Variants in TRIM39 observed in about 807,000 individuals in gnomAD.
TRIM39 encodes tripartite motif containing 39, also known as E3 ubiquitin-protein ligase TRIM39.
TRIM39 carries 5 observed loss-of-function variants against 53.6 expected under a neutral mutation model. The observed-to-expected ratio is 0.09, with a 90% CI of 0.05 to 0.20. TRIM39 has a LOEUF of 0.20. TRIM39 is among the 10% of genes least tolerant of loss of function. TRIM39 has a pLI of 1.00. For synonymous variants in TRIM39, 196 were observed against 237.6 expected (o/e 0.82, Z 1.61); for missense variants, 310 against 621.0 (o/e 0.50, Z 5.32).
At chr6:30,329,623 G>A (rs1337460977) in exon 3 of TRIM39, 3 of 1,613,096 alleles carry the variant, frequency 1.9e-6, no homozygotes, top group South Asian at 2.2e-5. Context: ...GGAAGATCCG[G>A]GATGAGAGCC....
chr6:30,341,041 C>G (rs1421031181), intron 7 of TRIM39, among the ~76,000 whole-genome samples: 1 of 152,088 alleles, frequency 6.6e-6, no homozygotes, highest in Non-Finnish European at 1.5e-5. Context: ...AACCCCATCT[C>G]TACTAAAAAT....
At chr6:30,341,524 G>T (rs1484181047) in intron 7 of TRIM39, 188 bp from the exon 8 acceptor site, 9 of 876,540 alleles carry the variant, frequency 1.0e-5, no homozygotes, top group Admixed American at 6.2e-5. Context: ...TAGGGTCAGG[G>T]TGAGAAGTGA....
Position 30,339,770 on chromosome 6 carries a change from C to T in TRIM39, c.781-138C>T. On this transcript the variant is annotated intron_variant, in intron 5 of 7. Transcript: ENST00000396551. The surrounding 1 kb of genome is among the most constrained non-coding windows in gnomAD (Gnocchi z 4.2). ...AGTGCATTCAGGTCCCGCTGGAGCT[C>T]TTCTTGCACTGTGTGACCCTCAGTT... The T allele has an allele frequency of 8.3e-7, 1 of 1,210,710 alleles. No individual in the cohort carries two copies. Among genetic ancestry groups the T allele is most frequent in the Middle Eastern group, 1.9e-4 (1 of 5,300 alleles). The allele number at this position is 1,210,710 out of a possible 1,614,324, so 75.0% of individuals were successfully genotyped here. A position where few individuals can be genotyped will look rare whatever the true frequency, so the allele number is the denominator to read the frequency against.
At chr6:30,343,720 A>G (rs1130057) in exon 8 of TRIM39, 1 of 152,690 alleles carries the variant, frequency 6.5e-6, no homozygotes, top group African/African-American at 2.4e-5. Flanking sequence ...CAAAGGATCC[A>G]CTGAAGTGAT....
intron 7 of TRIM39, among the ~76,000 whole-genome samples, chr6:30,341,053 T>C (rs1045079667): frequency 3.3e-5 from 5 of 151,760 alleles, no homozygotes; most frequent in Non-Finnish European, 5.9e-5. Flanking sequence ...ACTAAAAATA[T>C]AAAAATTAGC....
At position 30,330,844 on chromosome 6, in the gene TRIM39, T is replaced by G. The variant is rs202142956; in HGVS notation, c.517T>G (p.Ser173Ala). Residue 173 changes from serine (S) to alanine (A), a missense_variant, in exon 4 of 8, where the codon TCC (serine) becomes GCC (alanine). Around this residue, in one of 5 missense-constraint regions of TRIM39, gnomAD observed 161 missense variants for 210.0 expected, o/e 0.77. Transcript: ENST00000396551. ...GCTGCAGGAGATCACTCGCTGCAAG[T>G]CCTCTGAGGAGAAGAAGCCTGGTGA... 6.8e-6 allele frequency: 11 copies of G among 1,614,096 alleles called. No homozygotes were observed. The African/African-American group carries it at 1.5e-4, about 22-fold the overall frequency.
rs183801353 is a variant in TRIM39, at chr6:30,332,764, C to G, written c.549+1888C>G. On this transcript the variant is annotated intron_variant, in intron 4 of 7. Transcript: ENST00000396551. ...AAACCTTCTAAATGCTTGAACAGAACTGTCCTGTTTTTTAAACTGTAAATT... is the reference window on the plus strand; with the variant it reads ...AAACCTTCTAAATGCTTGAACAGAAGTGTCCTGTTTTTTAAACTGTAAATT... Among the ~76,000 whole-genome samples the G allele has an allele frequency of 9.4e-4, 143 of 152,264 alleles. 2 individuals carry two copies. The highest frequency in any genetic ancestry group is 9.3e-3 in the Admixed American group (142 of 15,286).
chr6:30,331,900 A>C (rs1786227322), intron 4 of TRIM39, among the ~76,000 whole-genome samples: 1 of 152,166 alleles, frequency 6.6e-6, no homozygotes, highest in South Asian at 2.1e-4. Context: ...AATAACTAGA[A>C]TTGAGTCCTA....
chr6:30,331,363 T>C (rs990268436), intron 4 of TRIM39, among the ~76,000 whole-genome samples: 1 of 152,186 alleles, frequency 6.6e-6, no homozygotes, highest in Non-Finnish European at 1.5e-5. Context: ...TTAAACATTG[T>C]ACTTAAATTA....
At chr6:30,341,722 C>T (rs1171995154) in exon 8 of TRIM39, 1 of 1,611,826 alleles carries the variant, frequency 6.2e-7, no homozygotes, top group East Asian at 2.2e-5. Context: ...CGGATGTGAC[C>T]CTGGACCCTG....
At chr6:30,343,111 A>C (rs1787735488) in exon 8 of TRIM39, 1 of 152,676 alleles carries the variant, frequency 6.5e-6, no homozygotes, top group Non-Finnish European at 1.5e-5. Context: ...GGAACTTGGA[A>C]AGGAGAGTCA....
rs1432862041 is a variant in TRIM39 at position 30,335,154 on chromosome 6, T to C, written c.550-591T>C. Among the ~76,000 whole-genome samples, 4 of 152,182 alleles carry C rather than the reference T, an allele frequency of 2.6e-5. No homozygotes were observed. The highest frequency in any genetic ancestry group is 6.5e-5 in the Admixed American group (1 of 15,270). On this transcript the variant is annotated intron_variant, in intron 4 of 7. Coordinates refer to ENST00000396551, the Ensembl canonical transcript of TRIM39. The surrounding 1 kb of genome is among the most constrained non-coding windows in gnomAD (Gnocchi z 4.7). ...TCTTTATCTTAAATTAAAACAAATA[T>C]ATATATCCGCAGTGGTCTTCACTAC...
At chr6:30,331,285 CA>C (rs369070285) in intron 4 of TRIM39, among the ~76,000 whole-genome samples, 42,425 of 90,868 alleles carry the variant, frequency 0.47, 6,442 homozygotes, top group East Asian at 0.63. Flanking sequence ...ACAAAAAAAA[CA>C]AACAAAAAAA....
intron 1 of TRIM39, among the ~76,000 whole-genome samples, chr6:30,328,048 G>A (rs927293188): frequency 2.6e-5 from 4 of 152,220 alleles, no homozygotes; most frequent in Admixed American, 1.3e-4. Flanking sequence ...ATGGCTAAAA[G>A]TATGGATGTT....
intron 3 of TRIM39, 45 bp from the exon 4 acceptor site, chr6:30,330,736 G>A (rs2127389120): frequency 5.6e-6 from 9 of 1,598,080 alleles, no homozygotes; most frequent in Middle Eastern, 1.7e-4. Context: ...AGGTATACCA[G>A]TCAACCCCAA....
chr6:30,336,735 A>G (rs1022130782), intron 5 of TRIM39, among the ~76,000 whole-genome samples: 7 of 152,208 alleles, frequency 4.6e-5, no homozygotes, highest in Admixed American at 4.6e-4. Flanking sequence ...AGTCATCCAT[A>G]AGGGTTGGAA....
rs1787647317 is a variant in TRIM39 at position 30,342,384 on chromosome 6, C to A, written c.*125C>A. The stretch of plus-strand genomic sequence containing the variant: ...GTCCTGAATCATCTTGGAGAAACAC[C>A]TTGGTTTCTAGGATGGTTTTGTGTG... On this transcript the variant is annotated 3_prime_UTR_variant, in exon 8 of 8. Coordinates refer to ENST00000396551, the Ensembl canonical transcript of TRIM39. This position sits in a 1 kb window ranked among gnomAD's most constrained non-coding sequence, Gnocchi z 4.7. The A allele has an allele frequency of 1.9e-6, 2 of 1,043,330 alleles. No individual in the cohort carries two copies. The highest frequency in any genetic ancestry group is 3.1e-4 in the Middle Eastern group (1 of 3,208). 64.6% of individuals were successfully genotyped at this position (1,043,330 alleles called of 1,614,324 possible). A position where few individuals can be genotyped will look rare whatever the true frequency, so the allele number is the denominator to read the frequency against.
In TRIM39 at chr6:30,333,524, A is replaced by AT. The variant is rs941591285; in HGVS notation, c.550-2211dup. ...AGGCGCCCACCACCACACCCAGCTG[A>AT]TTTTTTTTTTCTATTTTTAGTAGAG... On this transcript the variant is annotated intron_variant, in intron 4 of 7. Coordinates refer to ENST00000396551, the Ensembl canonical transcript of TRIM39. Among the ~76,000 whole-genome samples the AT allele has an allele frequency of 5.9e-3, 870 of 146,466 alleles. 2 individuals are homozygous for AT. Among genetic ancestry groups the AT allele is most frequent in the Middle Eastern group, 0.031 (9 of 288 alleles).
Position 30,342,531 on chromosome 6 carries a change from A to T in TRIM39, c.*272A>T, listed in dbSNP as rs1787660683. ...TGAAGTCCATCAGGTTTTCTGTTGC[A>T]CAAGGACGGGTCAGGAAGGAAGGAG... On this transcript the variant is annotated 3_prime_UTR_variant, in exon 8 of 8. Transcript: ENST00000396551. This position sits in a 1 kb window ranked among gnomAD's most constrained non-coding sequence, Gnocchi z 4.7. 1.8e-6 allele frequency: 1 copy of T among 554,460 alleles called. No homozygotes were observed. The highest frequency in any genetic ancestry group is 3.2e-6 in the Non-Finnish European group (1 of 313,188). 34.3% of individuals were successfully genotyped at this position (554,460 alleles called of 1,614,324 possible).
Sources: gnomAD v4.1 joint callset for allele counts (sites outside exome capture counted in the v4.1 genomes callset) on GRCh38, gnomAD v4.1.1 for gene constraint, gnomAD v4.1.1 regional missense constraint, Gnocchi (gnomAD v3.1) non-coding constraint, MANE v1.5 for transcripts, NCBI Gene and HGNC (gene_info 2026-07-23, HGNC 2026-07-21) for gene names.